SPATA17: variants seen among roughly 807,000 people sequenced by gnomAD.
SPATA17 encodes spermatogenesis associated 17.
Under a neutral mutation model 62.2 loss-of-function variants are expected in SPATA17, and 53 were observed. The observed-to-expected ratio is 0.85, with a 90% CI of 0.68 to 1.07. The LOEUF (loss-of-function observed/expected upper bound fraction) is 1.07. Ranked by LOEUF, SPATA17 falls within the 50% of genes least tolerant of loss-of-function variation. The pLI is 0.00. For missense variants in SPATA17, 466 were observed against 425.5 expected (o/e 1.10, Z -0.84); for synonymous variants, 146 against 146.8 (o/e 0.99, Z 0.04).
intron 9 of SPATA17, chr1:217,850,461 G>A (rs1675622681): frequency 7.6e-7 from 1 of 1,310,650 alleles, no homozygotes; most frequent in Non-Finnish European, 1.0e-6. Flanking sequence ...GGATGTTGTA[G>A]TCAGAAAGAG....
chr1:217,837,162 A>G (rs143882868), intron 9 of SPATA17, among the ~76,000 whole-genome samples: 88 of 152,158 alleles, frequency 5.8e-4, no homozygotes, highest in African/African-American at 2.0e-3. Flanking sequence ...CTGAATCTAG[A>G]TATTTTGGTT....
At chr1:217,643,024 G>C (rs986926441) in intron 1 of SPATA17, among the ~76,000 whole-genome samples, 1 of 152,076 alleles carries the variant, frequency 6.6e-6, no homozygotes, top group African/African-American at 2.4e-5. Context: ...CCTCTCAGTG[G>C]AAAGAACAAA....
At chr1:217,733,975 G>A (rs566913209) in intron 5 of SPATA17, among the ~76,000 whole-genome samples, 6 of 152,254 alleles carry the variant, frequency 3.9e-5, no homozygotes, top group African/African-American at 7.2e-5. Flanking sequence ...ATACAGATCC[G>A]GGGAGTAGGT....
chr1:217,807,438 C>T (rs1252028774), intron 9 of SPATA17, among the ~76,000 whole-genome samples: 1 of 151,990 alleles, frequency 6.6e-6, no homozygotes. Flanking sequence ...AAAGGAAACC[C>T]ATATTACTCT....
At chr1:217,702,989 G>T (rs898145436) in intron 5 of SPATA17, among the ~76,000 whole-genome samples, 1 of 150,334 alleles carries the variant, frequency 6.7e-6, no homozygotes, top group Admixed American at 6.7e-5. Context: ...TGATTCTTCT[G>T]CCTCAGCCTC....
chr1:217,862,966 A>T (rs537924747), intron 10 of SPATA17, 110 bp downstream of exon 10: 1 of 588,756 alleles, frequency 1.7e-6, no homozygotes, highest in East Asian at 2.8e-5. Context: ...CTATAATAAT[A>T]TTTTATGTAA....
At chr1:217,800,868 A>G (rs1674292035) in intron 8 of SPATA17, among the ~76,000 whole-genome samples, 1 of 151,972 alleles carries the variant, frequency 6.6e-6, no homozygotes, top group South Asian at 2.1e-4. Flanking sequence ...ATTTACTCTT[A>G]TTTCAGTGTG....
At chr1:217,667,743 T>A (rs961559623) in intron 3 of SPATA17, among the ~76,000 whole-genome samples, 3 of 152,256 alleles carry the variant, frequency 2.0e-5, no homozygotes, top group Non-Finnish European at 4.4e-5. Context: ...TAGAAATGTT[T>A]AATAGCAATG....
Position 217,774,387 on chromosome 1 carries a change from G to C in SPATA17, c.573G>C (p.Leu191=). The change falls in exon 7 of 11, where the codon CTG becomes CTC. Residue 191 remains leucine, a synonymous_variant. Coordinates refer to ENST00000366933, the MANE Select transcript of SPATA17 (RefSeq NM_138796.4). ...PFRKEPDPWE[L]QLQKAKPLTH... ...GAAAAGAGCCTGATCCATGGGAGCT[G>C]CAATTACAGAAGGCAAAGCCTTTAA... is the stretch of plus-strand genomic sequence containing the variant. 1 of 1,614,046 alleles carries C rather than the reference G, an allele frequency of 6.2e-7. No individual in the cohort carries two copies. The highest frequency in any genetic ancestry group is 8.5e-7 in the Non-Finnish European group (1 of 1,179,938).
intron 6 of SPATA17, among the ~76,000 whole-genome samples, chr1:217,770,633 T>A (rs1000122533): frequency 6.6e-6 from 1 of 152,064 alleles, no homozygotes; most frequent in Non-Finnish European, 1.5e-5. Flanking sequence ...GAGTGGAAAA[T>A]GGCCATAAAA....
chr1:217,851,675 G>T (rs1675669278), intron 9 of SPATA17, among the ~76,000 whole-genome samples: 1 of 152,128 alleles, frequency 6.6e-6, no homozygotes, highest in Admixed American at 6.6e-5. Flanking sequence ...CTAATTTCTT[G>T]ATTTTTATAC....
At chr1:217,724,404 A>T (rs1036181746) in intron 5 of SPATA17, among the ~76,000 whole-genome samples, 1 of 152,056 alleles carries the variant, frequency 6.6e-6, no homozygotes, top group Non-Finnish European at 1.5e-5. Flanking sequence ...CTTGGCCAAC[A>T]TGGTGAAACC....
chr1:217,778,149 G>T (rs1673638916), intron 7 of SPATA17, among the ~76,000 whole-genome samples: 1 of 152,082 alleles, frequency 6.6e-6, no homozygotes, highest in Non-Finnish European at 1.5e-5. Flanking sequence ...AGTGTTCAGT[G>T]TGTTAAATGT....
chr1:217,808,480 A>T (rs1318129402), intron 9 of SPATA17, among the ~76,000 whole-genome samples: 2 of 152,194 alleles, frequency 1.3e-5, no homozygotes, highest in Non-Finnish European at 2.9e-5. Flanking sequence ...AGATCTAATG[A>T]TTCTATTAAT....
intron 3 of SPATA17, among the ~76,000 whole-genome samples, chr1:217,656,574 G>GTATT (rs1303324258): frequency 2.1e-4 from 32 of 152,000 alleles, no homozygotes; most frequent in African/African-American, 6.8e-4. Flanking sequence ...ATGTATGTAT[G>GTATT]TATGTATTTA....
At chr1:217,635,520 A>G (rs1669916527) in intron 1 of SPATA17, among the ~76,000 whole-genome samples, 1 of 152,036 alleles carries the variant, frequency 6.6e-6, no homozygotes, top group South Asian at 2.1e-4. Flanking sequence ...CCTGTCCAAC[A>G]TGGCAAAACC....
At chr1:217,642,665 C>T (rs1259384564) in intron 1 of SPATA17, among the ~76,000 whole-genome samples, 2 of 152,192 alleles carry the variant, frequency 1.3e-5, no homozygotes, top group African/African-American at 2.4e-5. Flanking sequence ...AGTGAGTCCT[C>T]ACCAGATCTG....
At chr1:217,638,986 A>G (rs1669999214) in intron 1 of SPATA17, among the ~76,000 whole-genome samples, 1 of 152,108 alleles carries the variant, frequency 6.6e-6, no homozygotes, top group Admixed American at 6.5e-5. Flanking sequence ...TTGTTATGTG[A>G]ATAATAGTTA....
At chr1:217,774,570 A>G in intron 7 of SPATA17, 33 bp downstream of exon 7, 1 of 1,583,862 alleles carries the variant, frequency 6.3e-7, no homozygotes, top group Non-Finnish European at 8.6e-7. Context: ...TTCTGTCATT[A>G]ATTTTATTCT....
Sources: allele counts gnomAD v4.1 joint callset (sites outside exome capture counted in the v4.1 genomes callset), GRCh38; gene constraint gnomAD v4.1.1; transcripts MANE v1.5; gene names NCBI Gene and HGNC (gene_info 2026-07-23, HGNC 2026-07-21).